Variants in KCNN2 observed in about 807,000 individuals in gnomAD.
KCNN2 encodes the protein potassium calcium-activated channel subfamily N member 2.
In KCNN2, 24 loss-of-function variants were observed where a neutral mutation model predicts 55.5. The observed-to-expected ratio is 0.43, with a 90% CI of 0.31 to 0.61. The LOEUF (loss-of-function observed/expected upper bound fraction) is 0.61. Ranked by LOEUF, KCNN2 falls within the 20% of genes least tolerant of loss-of-function variation. The pLI, the probability that KCNN2 is intolerant of heterozygous loss-of-function variation, is 0.08. For synonymous variants in KCNN2, 431 were observed against 336.1 expected (o/e 1.28, Z -3.09); for missense variants, 754 against 853.6 (o/e 0.88, Z 1.45).
Position 114,123,655 on chromosome 5 carries a change from G to A in KCNN2, c.-271+67155G>A, listed in dbSNP as rs554005859. Among the ~76,000 whole-genome samples, 374 of 63,768 alleles carry A rather than the reference G, an allele frequency of 5.9e-3. 116 individuals carry two copies. The highest frequency in any genetic ancestry group is 0.036 in the African/African-American group (364 of 9,994). 41.8% of individuals were successfully genotyped at this position (63,768 alleles called of 152,430 possible). ...TGGGATTACAGGCGTGAGCCACCGC[G>A]CCCGGCCTCATTTTCTTAATTTTTT... On this transcript the variant is annotated intron_variant, in intron 1 of 10. Transcript: ENST00000512097.
At chr5:114,429,716 G>A (rs1321889398) in intron 3 of KCNN2, among the ~76,000 whole-genome samples, 1 of 151,252 alleles carries the variant, frequency 6.6e-6, no homozygotes, top group East Asian at 1.9e-4. Flanking sequence ...ATATTTTCCA[G>A]GATTTTTATA....
intron 2 of KCNN2, among the ~76,000 whole-genome samples, chr5:114,255,598 T>C (rs1754965911): frequency 6.6e-6 from 1 of 152,102 alleles, no homozygotes; most frequent in African/African-American, 2.4e-5. Flanking sequence ...TTTTATCTTA[T>C]AGGTAGAGAG....
chr5:114,459,973 T>G (rs922601864), intron 3 of KCNN2, among the ~76,000 whole-genome samples: 3 of 152,176 alleles, frequency 2.0e-5, no homozygotes, highest in Non-Finnish European at 4.4e-5. Context: ...TGAGTTAGCT[T>G]GCCTAAATGT....
chr5:114,153,697 C>T (rs1752572123), intron 1 of KCNN2, among the ~76,000 whole-genome samples: 1 of 152,158 alleles, frequency 6.6e-6, no homozygotes, highest in African/African-American at 2.4e-5. Context: ...GAAATGCTAT[C>T]ATCTTCCCAG....
chr5:114,097,921 A>C (rs1751296073), intron 1 of KCNN2, among the ~76,000 whole-genome samples: 1 of 152,156 alleles, frequency 6.6e-6, no homozygotes, highest in Non-Finnish European at 1.5e-5. Context: ...AATTACCACA[A>C]ACATAGTAGT....
chr5:114,170,326 C>T (rs913600787), intron 1 of KCNN2, among the ~76,000 whole-genome samples: 1 of 151,994 alleles, frequency 6.6e-6, no homozygotes, highest in Non-Finnish European at 1.5e-5. Flanking sequence ...TGCTAAGAAG[C>T]TGTTGTGCAT....
chr5:114,412,232 A>G (rs989119332), intron 3 of KCNN2, among the ~76,000 whole-genome samples: 2 of 152,182 alleles, frequency 1.3e-5, no homozygotes, highest in Non-Finnish European at 2.9e-5. Flanking sequence ...GTACATACTG[A>G]TTTAAAATGA....
Position 114,086,946 on chromosome 5 carries a change from T to C in KCNN2, c.-271+30446T>C, listed in dbSNP as rs1751029608. Among the ~76,000 whole-genome samples, 4 of 152,162 alleles carry C rather than the reference T, an allele frequency of 2.6e-5. No individual in the cohort carries two copies. The South Asian group carries it at 8.3e-4, about 31-fold the overall frequency. On this transcript the variant is annotated intron_variant, in intron 1 of 10. Transcript: ENST00000512097. The stretch of plus-strand genomic sequence containing the variant: ...TCTGTGCAGCCTCACCAGTATCTTT[T>C]GTTTTTTGACTTTTTAGTAGTAGCC...
chr5:114,483,346 C>T (rs1762314759), intron 5 of KCNN2, among the ~76,000 whole-genome samples: 1 of 149,232 alleles, frequency 6.7e-6, no homozygotes, highest in African/African-American at 2.5e-5. Context: ...GTGATCTCGG[C>T]TCACTGCAAC....
At chr5:114,210,402 C>T (rs989181338) in intron 1 of KCNN2, among the ~76,000 whole-genome samples, 6 of 152,042 alleles carry the variant, frequency 3.9e-5, no homozygotes, top group Non-Finnish European at 8.8e-5. Flanking sequence ...CCTGTATTTC[C>T]CCTAGAAGCA....
At chr5:114,169,853 TA>T (rs1318601398) in intron 1 of KCNN2, among the ~76,000 whole-genome samples, 5 of 152,090 alleles carry the variant, frequency 3.3e-5, no homozygotes, top group Admixed American at 2.6e-4. Context: ...AGAGAGGAGA[TA>T]AGGACTGATG....
intron 1 of KCNN2, among the ~76,000 whole-genome samples, chr5:114,190,952 A>G (rs887758142): frequency 3.9e-5 from 6 of 152,126 alleles, no homozygotes; most frequent in African/African-American, 1.2e-4. Context: ...TTGACTCTCA[A>G]AGTGGACTAT....
chr5:114,175,451 A>G (rs1428875613), intron 1 of KCNN2, among the ~76,000 whole-genome samples: 1 of 152,192 alleles, frequency 6.6e-6, no homozygotes, highest in Non-Finnish European at 1.5e-5. Flanking sequence ...TGTCAAAGGT[A>G]AATAACATTT....
intron 3 of KCNN2, among the ~76,000 whole-genome samples, chr5:114,418,067 G>A (rs968526023): frequency 6.6e-6 from 1 of 152,146 alleles, no homozygotes; most frequent in Non-Finnish European, 1.5e-5. Flanking sequence ...AACACTTAAT[G>A]AGTGACTTAA....
intron 1 of KCNN2, among the ~76,000 whole-genome samples, chr5:114,166,104 A>T (rs1349495020): frequency 6.6e-6 from 1 of 151,926 alleles, no homozygotes; most frequent in African/African-American, 2.4e-5. Context: ...GTTAGTTAGG[A>T]TGGTCTCAAT....
chr5:114,438,997 C>T lies in KCNN2; in HGVS notation c.1638-24052C>T, dbSNP rs564645782. ...CAACATATTTTAACTGTAAATTTAA[C>T]TTAGACATTATAGTGCATGCATTCA... is the stretch of plus-strand genomic sequence containing the variant. On this transcript the variant is annotated intron_variant, in intron 3 of 7. Transcript: ENST00000673685. 2.0e-5 allele frequency among the ~76,000 whole-genome samples: 3 copies of T among 152,204 alleles called. No homozygotes were observed. In the South Asian group the frequency reaches 6.2e-4, roughly 32 times the overall value.
In KCNN2 at chr5:114,491,001, AACAAC is replaced by A. The variant is rs1747821385; in HGVS notation, c.2019-2400_2019-2396del. Among the ~76,000 whole-genome samples the A allele has an allele frequency of 5.3e-5, 8 of 152,328 alleles. No individual in the cohort carries two copies. In the South Asian group the frequency reaches 1.7e-3, roughly 32 times the overall value. ...TACATTACAGGCAGTATAAGAAACA[AACAAC>A]AAGACAAGATGATTCAAGTTCCGAT... On this transcript the variant is annotated intron_variant, in intron 6 of 7. Coordinates refer to ENST00000673685, the MANE Select transcript of KCNN2 (RefSeq NM_021614.4).
chr5:114,342,028 A>G (rs1293742514), intron 2 of KCNN2, among the ~76,000 whole-genome samples: 2 of 151,920 alleles, frequency 1.3e-5, no homozygotes, highest in East Asian at 3.9e-4. Flanking sequence ...CAGCCTCCCA[A>G]GTAGCTGGGA....
chr5:114,182,251 T>C (rs1753254907), intron 1 of KCNN2, among the ~76,000 whole-genome samples: 1 of 152,134 alleles, frequency 6.6e-6, no homozygotes, highest in Non-Finnish European at 1.5e-5. Context: ...TTCATTGATC[T>C]AGTTGTTGAT....
Sources: gnomAD v4.1 joint callset for allele counts (sites outside exome capture counted in the v4.1 genomes callset) on GRCh38, gnomAD v4.1.1 for gene constraint, MANE v1.5 for transcripts, NCBI Gene and HGNC (gene_info 2026-07-23, HGNC 2026-07-21) for gene names.